Variants in CIT observed in about 807,000 individuals in gnomAD.
CIT encodes the protein citron Rho-interacting kinase.
CIT carries 79 observed loss-of-function variants against 272.7 expected under a neutral mutation model. The observed-to-expected ratio is 0.29, with a 90% CI of 0.24 to 0.35. CIT has a LOEUF of 0.35. Ranked by LOEUF, CIT falls within the 10% of genes least tolerant of loss-of-function variation. The probability of loss-of-function intolerance (pLI) is 1.00; values close to 1 mark genes in which losing one functional copy is unlikely to be tolerated. For missense variants in CIT, 1,909 were observed against 2,618.3 expected (o/e 0.73, Z 5.91); for synonymous variants, 948 against 995.6 (o/e 0.95, Z 0.90).
intron 23 of CIT, among the ~76,000 whole-genome samples, chr12:119,751,012 C>G (rs1960192682): frequency 6.6e-6 from 1 of 152,146 alleles, no homozygotes; most frequent in South Asian, 2.1e-4. Context: ...TGTATTGTGA[C>G]TGGCCCACAG....
intron 3 of CIT, among the ~76,000 whole-genome samples, chr12:119,864,129 A>G (rs1950448677): frequency 6.6e-6 from 1 of 152,152 alleles, no homozygotes; most frequent in African/African-American, 2.4e-5. Flanking sequence ...CAATAAGAAA[A>G]AAAAAAAACT....
chr12:119,744,622 A>T (rs1358009189), intron 23 of CIT, among the ~76,000 whole-genome samples: 3 of 148,812 alleles, frequency 2.0e-5, no homozygotes, highest in African/African-American at 7.4e-5. Flanking sequence ...AGGCTGAGGC[A>T]GGAGAATGGT....
At chr12:119,773,016 A>T in intron 16 of CIT, 106 bp from the exon 17 acceptor site, 4 of 749,478 alleles carry the variant, frequency 5.3e-6, no homozygotes, top group Non-Finnish European at 7.2e-6. Context: ...GTATAATCTA[A>T]AAAAAAAAAA....
At chr12:119,806,624 C>A (rs1370185203) in intron 9 of CIT, among the ~76,000 whole-genome samples, 2 of 146,692 alleles carry the variant, frequency 1.4e-5, no homozygotes, top group Non-Finnish European at 3.0e-5. Flanking sequence ...CCCCACCCCA[C>A]CCCCACCCCA....
chr12:119,765,457 A>C (rs1473416672), intron 19 of CIT, among the ~76,000 whole-genome samples: 2 of 143,724 alleles, frequency 1.4e-5, no homozygotes, highest in Non-Finnish European at 3.0e-5. Context: ...AAGATAAGTA[A>C]AAAGAAACAG....
At chr12:119,823,008 G>A (rs758894768) in intron 8 of CIT, 35 bp from the exon 9 acceptor site, 2 of 1,567,818 alleles carry the variant, frequency 1.3e-6, no homozygotes, top group African/African-American at 2.7e-5. Flanking sequence ...TATTTCCTTA[G>A]TAGGGATTCC....
At position 119,712,310 on chromosome 12, in the gene CIT, G is replaced by A. The variant is rs1235628053; in HGVS notation, c.4722C>T (p.His1574=). 18 of 1,613,646 alleles carry A rather than the reference G, an allele frequency of 1.1e-5. No homozygotes were observed. The East Asian group carries it at 3.6e-4, about 32-fold the overall frequency. ...GGGTTCTCCCGGGCCAGCAGGTGGTGTGCGGGTGAGATTCCATCTTCAGTA... is the reference window on the plus strand; with the variant it reads ...GGGTTCTCCCGGGCCAGCAGGTGGTATGCGGGTGAGATTCCATCTTCAGTA... ...PYILKMESHP[H]TTCWPGRTLY... Residue 1574 remains histidine, a synonymous_variant, in exon 37 of 48, where the codon CAC becomes CAT. Transcript: ENST00000392521. The surrounding 1 kb of genome is among the most constrained non-coding windows in gnomAD (Gnocchi z 5.2).
chr12:119,770,946 A>C lies in CIT; in HGVS notation c.2083-36T>G. The C allele has an allele frequency of 6.2e-7, 1 of 1,611,104 alleles. No individual in the cohort carries two copies. Among genetic ancestry groups the C allele is most frequent in the Non-Finnish European group, 8.5e-7 (1 of 1,179,030 alleles). ...TGAATCAATCAGAGAGTTTTAATGGAGTAACCGCTATGGGCATAACACCTG... is the reference window on the plus strand; with the variant it reads ...TGAATCAATCAGAGAGTTTTAATGGCGTAACCGCTATGGGCATAACACCTG... On this transcript the variant is annotated intron_variant, in intron 17 of 47. Coordinates refer to ENST00000392521, the MANE Select transcript of CIT (RefSeq NM_001206999.2). This position sits in a 1 kb window ranked among gnomAD's most constrained non-coding sequence, Gnocchi z 4.4.
intron 13 of CIT, 140 bp downstream of exon 13, chr12:119,782,378 C>T (rs1259840870): frequency 2.3e-6 from 2 of 869,652 alleles, no homozygotes; most frequent in Non-Finnish European, 3.6e-6. Context: ...GAATGACCTA[C>T]ATACCTGTCT....
At chr12:119,754,308 T>C (rs538599758) in intron 22 of CIT, among the ~76,000 whole-genome samples, 3 of 152,238 alleles carry the variant, frequency 2.0e-5, no homozygotes, top group Non-Finnish European at 2.9e-5. Context: ...CCATGTAACA[T>C]GTTGCTGTAT....
Position 119,697,929 on chromosome 12 carries a change from C to G in CIT, c.5702+47G>C. The G allele has an allele frequency of 6.2e-7, 1 of 1,613,372 alleles. No individual in the cohort carries two copies. The highest frequency in any genetic ancestry group is 8.5e-7 in the Non-Finnish European group (1 of 1,179,296). On this transcript the variant is annotated intron_variant, in intron 45 of 47. Transcript: ENST00000392521. This position sits in a 1 kb window ranked among gnomAD's most constrained non-coding sequence, Gnocchi z 4.9. ...AGGAACATGCGGCCGGCCCCAACAC[C>G]TACCCCAATAGCTGAAGTTTTCCAC...
chr12:119,716,449 C>A (rs10849691), intron 32 of CIT, among the ~76,000 whole-genome samples: 2 of 137,410 alleles, frequency 1.5e-5, no homozygotes, highest in African/African-American at 2.7e-5. Flanking sequence ...TATATAAACA[C>A]AGGAGGAAGA....
chr12:119,791,521 C>T (rs1047086922), intron 10 of CIT, among the ~76,000 whole-genome samples: 1 of 152,122 alleles, frequency 6.6e-6, no homozygotes, highest in Non-Finnish European at 1.5e-5. Context: ...GCTCTGGGCT[C>T]GACGAGATGC....
rs958496355 is a variant in CIT, at chr12:119,850,195, C to T, written c.495G>A (p.Gln165=). Residue 165 remains glutamine, a synonymous_variant, in exon 5 of 48, where the codon CAG becomes CAA. Transcript: ENST00000392521. The part of the protein sequence containing the change: ...PWIPQLQYAF[Q]DKNHLYLVME... ...TCACCAGATAAAGGTGATTTTTGTC[C>T]TGAAAGGCATACTGTAATTGGGGGA... The T allele has an allele frequency of 2.5e-6, 4 of 1,610,620 alleles. No individual in the cohort carries two copies. The highest frequency in any genetic ancestry group is 3.4e-6 in the Non-Finnish European group (4 of 1,177,150).
intron 23 of CIT, among the ~76,000 whole-genome samples, chr12:119,745,398 A>AAAAAAAAAAAAAAAAAAAAAAT (rs1372544069): frequency 6.9e-6 from 1 of 145,084 alleles, no homozygotes; most frequent in African/African-American, 2.5e-5. Context: ...AAAAAAAAAA[A>AAAAAAAAAAAAAAAAAAAAAAT]CACCTGTCCA....
Position 119,846,504 on chromosome 12 carries a change from A to G in CIT, c.516+3670T>C, listed in dbSNP as rs76543816. On this transcript the variant is annotated intron_variant, in intron 5 of 47. Transcript: ENST00000392521. ...ACTCTCAACTTTGGTCCAAAAAATCAAAGCCCTTCCTAATTCCAGGACCAC... is the reference window on the plus strand; with the variant it reads ...ACTCTCAACTTTGGTCCAAAAAATCGAAGCCCTTCCTAATTCCAGGACCAC... 2.1e-3 allele frequency among the ~76,000 whole-genome samples: 320 copies of G among 152,370 alleles called. 2 individuals are homozygous for G. The highest frequency in any genetic ancestry group is 7.3e-3 in the African/African-American group (302 of 41,588).
At chr12:119,757,601 C>A in intron 21 of CIT, 56 bp from the exon 22 acceptor site, 1 of 1,604,032 alleles carries the variant, frequency 6.2e-7, no homozygotes, top group Non-Finnish European at 8.5e-7. Context: ...AGGGTTGAGC[C>A]CGTTTCCACG....
intron 26 of CIT, among the ~76,000 whole-genome samples, chr12:119,732,654 A>G (rs538851817): frequency 6.6e-4 from 100 of 152,208 alleles, no homozygotes; most frequent in Non-Finnish European, 1.3e-3. Context: ...TTGGAGCTCA[A>G]CTGAACTTTG....
At chr12:119,726,759 A>C (rs910796639) in intron 28 of CIT, among the ~76,000 whole-genome samples, 1 of 152,142 alleles carries the variant, frequency 6.6e-6, no homozygotes, top group Admixed American at 6.5e-5. Context: ...AATCCTAAAG[A>C]ACAAAGCGGA....
Sources: gnomAD v4.1 joint callset for allele counts (sites outside exome capture counted in the v4.1 genomes callset) on GRCh38, gnomAD v4.1.1 for gene constraint, Gnocchi (gnomAD v3.1) non-coding constraint, MANE v1.5 for transcripts, NCBI Gene and HGNC (gene_info 2026-07-23, HGNC 2026-07-21) for gene names.